The following ATP2A2 variants were observed in gnomAD, a reference collection of about 807,000 sequenced individuals.
ATP2A2 encodes the protein ATPase sarcoplasmic/endoplasmic reticulum Ca2+ transporting 2, also known as sarcoplasmic/endoplasmic reticulum calcium ATPase 2.
A neutral mutation model predicts 109.3 loss-of-function variants in ATP2A2; 14 were observed. That is an observed-to-expected ratio of 0.13 (90% CI 0.08 to 0.20). The LOEUF is 0.20. Ranked by LOEUF, ATP2A2 falls within the 10% of genes least tolerant of loss-of-function variation. The pLI, the probability that ATP2A2 is intolerant of heterozygous loss-of-function variation, is 1.00. For missense variants in ATP2A2, 657 were observed against 1,321.6 expected (o/e 0.50, Z 7.80); for synonymous variants, 506 against 490.9 (o/e 1.03, Z -0.41).
chr12:110,294,934 C>G (rs959217020), intron 4 of ATP2A2, among the ~76,000 whole-genome samples: 1 of 151,882 alleles, frequency 6.6e-6, no homozygotes, highest in East Asian at 2.0e-4. Flanking sequence ...ATTCTCCCAC[C>G]TCAGTCTCCC....
At chr12:110,335,630 C>G (rs770059580) in intron 11 of ATP2A2, among the ~76,000 whole-genome samples, 3 of 152,220 alleles carry the variant, frequency 2.0e-5, no homozygotes, top group Non-Finnish European at 4.4e-5. Flanking sequence ...TAAGATGTTG[C>G]AATACACAAA....
rs920686494 is a variant in ATP2A2 at position 110,349,947 on chromosome 12, C to T, written c.*3477C>T. 1.7e-6 allele frequency: 2 copies of T among 1,206,332 alleles called. No individual in the cohort carries two copies. Among genetic ancestry groups the T allele is most frequent in the Non-Finnish European group, 2.1e-6 (2 of 961,124 alleles). The allele number at this position is 1,206,332 out of a possible 1,614,324, so 74.7% of individuals were successfully genotyped here. On this transcript the variant is annotated 3_prime_UTR_variant, in exon 20 of 20. Transcript: ENST00000539276. ...ACTGGCTGCTCACTTCTCCATCAAC[C>T]TCACCCTCTGCACCACTAACCAAGA...
In ATP2A2 at chr12:110,346,530, A is replaced by G; in HGVS notation, c.*60A>G. 6.2e-7 allele frequency: 1 copy of G among 1,602,560 alleles called. No homozygotes were observed. Among genetic ancestry groups the G allele is most frequent in the Middle Eastern group, 1.7e-4 (1 of 6,052 alleles). ...ATCAATTAATTTTTTTATTGTTTAA[A>G]GCAACTGTCTATTTCTGCTGAATTT... is the stretch of plus-strand genomic sequence containing the variant. On this transcript the variant is annotated 3_prime_UTR_variant, in exon 20 of 20. Transcript: ENST00000539276.
intron 8 of ATP2A2, chr12:110,329,316 TTA>T (rs1268409212): frequency 1.3e-5 from 2 of 152,256 alleles, no homozygotes; most frequent in Non-Finnish European, 2.9e-5. Context: ...CATCTGCTGT[TTA>T]GTTGACCGTG....
chr12:110,331,913 G>A (rs1878380318), intron 8 of ATP2A2: 1 of 152,154 alleles, frequency 6.6e-6, no homozygotes, highest in South Asian at 2.1e-4. Flanking sequence ...AATAGCTTAT[G>A]TCGCTTTAAA....
chr12:110,298,323 T>TGTGTGTAAATG (rs141402904), intron 5 of ATP2A2, among the ~76,000 whole-genome samples: 3,445 of 152,290 alleles, frequency 0.023, 121 homozygotes, highest in African/African-American at 0.078. Context: ...GTGTAGTGTT[T>TGTGTGTAAATG]GTGTGTAAAT....
chr12:110,348,913 C>G lies in ATP2A2; in HGVS notation c.*2443C>G, dbSNP rs759647399. 39 of 985,460 alleles carry G rather than the reference C, an allele frequency of 4.0e-5. No individual in the cohort carries two copies. Among genetic ancestry groups the G allele is most frequent in the Non-Finnish European group, 4.7e-5 (39 of 829,962 alleles). The allele number at this position is 985,460 out of a possible 1,614,324, so 61.0% of individuals were successfully genotyped here. On this transcript the variant is annotated 3_prime_UTR_variant, in exon 20 of 20. Coordinates refer to ENST00000539276, the MANE Select transcript of ATP2A2 (RefSeq NM_170665.4). The stretch of plus-strand genomic sequence containing the variant: ...GCTGCAAACTGACTTGAGTGCTGCA[C>G]TATTGCTATTCCGTGCAAACAAAAC...
intron 5 of ATP2A2, among the ~76,000 whole-genome samples, chr12:110,307,032 T>A (rs1875419288): frequency 6.6e-6 from 1 of 151,972 alleles, no homozygotes; most frequent in Non-Finnish European, 1.5e-5. Flanking sequence ...GTGCTGAGAT[T>A]ACAGGTGTGA....
intron 11 of ATP2A2, among the ~76,000 whole-genome samples, chr12:110,336,152 G>A (rs1878824202): frequency 1.3e-5 from 2 of 152,168 alleles, no homozygotes; most frequent in Non-Finnish European, 2.9e-5. Flanking sequence ...CTACCTGTCT[G>A]TCATCACCAT....
In ATP2A2 at chr12:110,323,032, C is replaced by G; in HGVS notation, c.504C>G (p.Ile168Met). 1 of 1,613,322 alleles carries G rather than the reference C, an allele frequency of 6.2e-7. No individual in the cohort carries two copies. The highest frequency in any genetic ancestry group is 8.5e-7 in the Non-Finnish European group (1 of 1,179,290). The change falls in exon 6 of 20, where the codon ATC becomes ATG. Residue 168 changes from isoleucine to methionine, a missense_variant. By Grantham distance (10) the Ile-to-Met change is conservative. Around this residue, in one of 9 missense-constraint regions of ATP2A2, gnomAD observed 136 missense variants for 343.9 expected, o/e 0.40. Coordinates refer to ENST00000539276, the MANE Select transcript of ATP2A2 (RefSeq NM_170665.4). ...CTGCTGATATAAGGTTAACTTCCATCAAATCTACCACACTAAGAGTTGACC... is the reference window on the plus strand; with the variant it reads ...CTGCTGATATAAGGTTAACTTCCATGAAATCTACCACACTAAGAGTTGACC... The part of the protein sequence containing the change: ...KVPADIRLTS[I>M]KSTTLRVDQS...
chr12:110,345,392 C>T lies in ATP2A2; in HGVS notation c.2741+10C>T, dbSNP rs761736586. ...GTAACGCCCTCAACAGGTTAGTGCA[C>T]CTTCACGGCAGGCTGAGGCGAGCAT... On this transcript the variant is annotated intron_variant, in intron 18 of 19. Transcript: ENST00000539276. The T allele has an allele frequency of 3.0e-5, 49 of 1,614,060 alleles. No individual in the cohort carries two copies. The Admixed American group carries it at 6.0e-4, about 20-fold the overall frequency.
intron 3 of ATP2A2, among the ~76,000 whole-genome samples, chr12:110,283,278 G>A (rs1215174352): frequency 6.6e-6 from 1 of 152,190 alleles, no homozygotes; most frequent in African/African-American, 2.4e-5. Context: ...GGCTGTGATG[G>A]CACCCTTGTT....
At position 110,281,852 on chromosome 12, in the gene ATP2A2, T is replaced by C. The variant is rs1352215398; in HGVS notation, c.63T>C (p.Ser21=). Residue 21 remains serine, a synonymous_variant, in exon 1 of 20, where the codon AGT becomes AGC. Coordinates refer to ENST00000539276, the MANE Select transcript of ATP2A2 (RefSeq NM_170665.4). The part of the protein sequence containing the change: ...EVLGHFGVNE[S]TGLSLEQVKK... ...TGGGCCACTTCGGCGTCAACGAGAG[T>C]ACGGGGCTGAGCCTGGAACAGGTCA... 1 of 1,563,954 alleles carries C rather than the reference T, an allele frequency of 6.4e-7. No homozygotes were observed.
chr12:110,345,851 A>G (rs764022692), intron 18 of ATP2A2, 150 bp from the exon 19 acceptor site: 2 of 790,450 alleles, frequency 2.5e-6, no homozygotes, highest in Non-Finnish European at 4.4e-6. Flanking sequence ...ATTCTCTTCA[A>G]CTTTGCCACT....
At chr12:110,287,914 C>CTGAA (rs1872829987) in intron 3 of ATP2A2, among the ~76,000 whole-genome samples, 1 of 152,048 alleles carries the variant, frequency 6.6e-6, no homozygotes, top group African/African-American at 2.4e-5. Flanking sequence ...CCTCACCCAG[C>CTGAA]CCAGATAATC....
At chr12:110,320,931 TAAG>T (rs1485277960) in intron 5 of ATP2A2, among the ~76,000 whole-genome samples, 1 of 152,210 alleles carries the variant, frequency 6.6e-6, no homozygotes, top group Non-Finnish European at 1.5e-5. Flanking sequence ...TTTGAAGGTT[TAAG>T]AAGTTCAGTG....
chr12:110,285,044 T>G (rs971687730), intron 3 of ATP2A2, among the ~76,000 whole-genome samples: 1 of 152,222 alleles, frequency 6.6e-6, no homozygotes, highest in African/African-American at 2.4e-5. Context: ...ATATTCAGGT[T>G]TTTTTGGAGA....
At position 110,350,276 on chromosome 12, in the gene ATP2A2, T is replaced by C. The variant is rs751469336; in HGVS notation, c.*3806T>C. 6.2e-7 allele frequency: 1 copy of C among 1,614,240 alleles called. No homozygotes were observed. Among genetic ancestry groups the C allele is most frequent in the East Asian group, 2.2e-5 (1 of 44,894 alleles). Reference sequence around the variant, plus strand: ...TGTATTTCATGAAGCTGATTTCCTCTCTCTTTCCTTTTCAGCAATACTGGA... The same window carrying C: ...TGTATTTCATGAAGCTGATTTCCTCCCTCTTTCCTTTTCAGCAATACTGGA... On this transcript the variant is annotated 3_prime_UTR_variant, in exon 20 of 20. Coordinates refer to ENST00000539276, the MANE Select transcript of ATP2A2 (RefSeq NM_170665.4).
intron 4 of ATP2A2, among the ~76,000 whole-genome samples, chr12:110,293,852 G>GTATATATATATATATATATA (rs1243133325): frequency 4.1e-5 from 5 of 122,882 alleles, no homozygotes; most frequent in Admixed American, 2.4e-4. Flanking sequence ...GTGTGTGTGT[G>GTATATATATATATATATATA]TGTGTGTGTG....
Sources: gnomAD v4.1 joint callset for allele counts (sites outside exome capture counted in the v4.1 genomes callset) on GRCh38, gnomAD v4.1.1 for gene constraint, gnomAD v4.1.1 regional missense constraint, MANE v1.5 for transcripts, NCBI Gene and HGNC (gene_info 2026-07-23, HGNC 2026-07-21) for gene names.